The following PIK3C2A variants were observed in gnomAD, a reference collection of about 807,000 sequenced individuals.
The protein encoded by PIK3C2A is phosphatidylinositol-4-phosphate 3-kinase catalytic subunit type 2 alpha, also known as phosphatidylinositol 4-phosphate 3-kinase C2 domain-containing subunit alpha.
Under a neutral mutation model 204.5 loss-of-function variants are expected in PIK3C2A, and 97 were observed. That is an observed-to-expected ratio of 0.47 (90% confidence interval 0.40 to 0.56). The LOEUF (loss-of-function observed/expected upper bound fraction) is 0.56. Ranked by LOEUF, PIK3C2A falls within the 20% of genes least tolerant of loss-of-function variation. The pLI is 0.00. For synonymous variants in PIK3C2A, 653 were observed against 664.4 expected, an observed-to-expected ratio of 0.98 and a Z score of 0.26; for missense variants, 1,735 against 1,969.2, an observed-to-expected ratio of 0.88 and a Z score of 2.25.
intron 28 of PIK3C2A, among the ~76,000 whole-genome samples, chr11:17,092,554 C>A (rs1029141903): frequency 2.0e-5 from 3 of 152,154 alleles, no homozygotes; most frequent in African/African-American, 7.2e-5. Context: ...TACCTATAAT[C>A]CCAGCTACTC....
intron 1 of PIK3C2A, among the ~76,000 whole-genome samples, chr11:17,193,748 C>A (rs12281046): frequency 6.7e-6 from 1 of 150,262 alleles, no homozygotes; most frequent in Non-Finnish European, 1.5e-5. Flanking sequence ...CGGGAGGCTG[C>A]GGCAGGAGAA....
intron 1 of PIK3C2A, among the ~76,000 whole-genome samples, chr11:17,176,008 T>TG (rs1378083632): frequency 1.3e-5 from 2 of 151,846 alleles, no homozygotes; most frequent in Non-Finnish European, 2.9e-5. Flanking sequence ...AACTGATTTT[T>TG]TTTTTTTTTG....
At chr11:17,164,250 G>A (rs1590981503) in intron 2 of PIK3C2A, among the ~76,000 whole-genome samples, 2 of 151,796 alleles carry the variant, frequency 1.3e-5, no homozygotes, top group East Asian at 3.9e-4. Flanking sequence ...CACTCAGGAG[G>A]CTGCATTAGA....
chr11:17,133,383 G>A (rs1268890672), intron 11 of PIK3C2A, among the ~76,000 whole-genome samples: 1 of 151,928 alleles, frequency 6.6e-6, no homozygotes, highest in African/African-American at 2.4e-5. Context: ...CAGGTTTTTT[G>A]CCGCCTTGTA....
chr11:17,152,367 A>G (rs1416016524), intron 3 of PIK3C2A, among the ~76,000 whole-genome samples: 1 of 152,168 alleles, frequency 6.6e-6, no homozygotes, highest in Non-Finnish European at 1.5e-5. Context: ...TTTGCTTTAT[A>G]AAAATTGCCA....
At chr11:17,182,669 T>C (rs374008969) in intron 1 of PIK3C2A, among the ~76,000 whole-genome samples, 1 of 151,258 alleles carries the variant, frequency 6.6e-6, no homozygotes, top group South Asian at 2.1e-4. Context: ...CATTTGCCAA[T>C]CTAGAGGCTA....
chr11:17,139,441 C>T (rs1214043546), intron 8 of PIK3C2A, among the ~76,000 whole-genome samples: 2 of 152,042 alleles, frequency 1.3e-5, no homozygotes, highest in African/African-American at 2.4e-5. Context: ...TTGGGCTGGT[C>T]TCCAACCCCT....
Position 17,089,630 on chromosome 11 carries a change from AATACT to A in PIK3C2A, c.*103_*107del. On this transcript the variant is annotated 3_prime_UTR_variant, in exon 33 of 33. Coordinates refer to ENST00000691414, the MANE Select transcript of PIK3C2A (RefSeq NM_002645.4). ...TTTATAAGTTCTGTCCAAGTATAAA[AATACT>A]ATACAAAATTAACAAGTGTGTGTGT... 2 of 670,334 alleles carry A rather than the reference AATACT, an allele frequency of 3.0e-6. No homozygotes were observed. The highest frequency in any genetic ancestry group is 5.0e-6 in the Non-Finnish European group (2 of 399,188). 41.5% of individuals were successfully genotyped at this position (670,334 alleles called of 1,614,324 possible). A position where few individuals can be genotyped will look rare whatever the true frequency, so the allele number is the denominator to read the frequency against.
intron 27 of PIK3C2A, among the ~76,000 whole-genome samples, chr11:17,096,029 C>A (rs1848445040): frequency 6.6e-6 from 1 of 151,128 alleles, no homozygotes; most frequent in Non-Finnish European, 1.5e-5. Context: ...ACTTGTTTTG[C>A]TGGCTAGTTA....
Position 17,202,434 on chromosome 11 carries a change from C to T in PIK3C2A, c.-66+5414G>A, listed in dbSNP as rs138243583. ...ACAAAAAACACAAAAATTAGCCAGGCGTGATGGCACGTGCTTGTAGTCCCA... is the reference window on the plus strand; with the variant it reads ...ACAAAAAACACAAAAATTAGCCAGGTGTGATGGCACGTGCTTGTAGTCCCA... On this transcript the variant is annotated intron_variant, in intron 1 of 32. Transcript: ENST00000691414. Among the ~76,000 whole-genome samples the T allele has an allele frequency of 5.0e-3, 753 of 151,842 alleles. 3 individuals carry two copies. Among genetic ancestry groups the T allele is most frequent in the Admixed American group, 9.1e-3 (139 of 15,216 alleles).
At chr11:17,191,811 G>C (rs1332851596) in intron 1 of PIK3C2A, among the ~76,000 whole-genome samples, 1 of 152,044 alleles carries the variant, frequency 6.6e-6, no homozygotes, top group East Asian at 1.9e-4. Flanking sequence ...AAAAGTTTTA[G>C]GTTCATTTAA....
At chr11:17,091,865 C>A in intron 30 of PIK3C2A, 131 bp downstream of exon 30, 2 of 730,742 alleles carry the variant, frequency 2.7e-6, no homozygotes, top group Non-Finnish European at 4.8e-6. Flanking sequence ...AATAGACTGG[C>A]TTAGAAAGAA....
chr11:17,112,542 G>A, intron 21 of PIK3C2A, 32 bp downstream of exon 21: 1 of 996,830 alleles, frequency 1.0e-6, no homozygotes, highest in Non-Finnish European at 1.5e-6. Flanking sequence ...TTTCTAAATT[G>A]CCATTAAAAA....
At position 17,116,092 on chromosome 11, in the gene PIK3C2A, T is replaced by A. The variant is rs61879704; in HGVS notation, c.3216+1399A>T. 4.9e-3 allele frequency among the ~76,000 whole-genome samples: 750 copies of A among 152,256 alleles called. 6 individuals carry two copies. Among genetic ancestry groups the A allele is most frequent in the Non-Finnish European group, 8.1e-3 (549 of 68,030 alleles). ...TTTGTATTAATATATTAAAGGACAC[T>A]ATTAAGGAATTAAAAAGACAACTGC... On this transcript the variant is annotated intron_variant, in intron 19 of 32. Transcript: ENST00000691414.
chr11:17,191,738 T>C (rs985957017), intron 1 of PIK3C2A, among the ~76,000 whole-genome samples: 3 of 152,172 alleles, frequency 2.0e-5, no homozygotes, highest in African/African-American at 7.2e-5. Flanking sequence ...GAAGTGAAAG[T>C]GGTCTTATGG....
Position 17,169,469 on chromosome 11 carries a change from A to G in PIK3C2A, c.273T>C (p.Asp91=), listed in dbSNP as rs61761999. The part of the protein sequence containing the change: ...SDSQKRALDI[D]VEKLTQAELE... The stretch of plus-strand genomic sequence containing the variant: ...GTTCAGCTTGGGTGAGCTTTTCTAC[A>G]TCAATATCTAATGCTCTTTTTTGGG... Residue 91 remains aspartate, a synonymous_variant, in exon 2 of 33, where the codon GAT becomes GAC. Transcript: ENST00000691414. The G allele has an allele frequency of 1.1e-3, 1,704 of 1,614,074 alleles. 27 individuals are homozygous for G. In the African/African-American group the frequency reaches 0.02, roughly 19 times the overall value.
intron 1 of PIK3C2A, among the ~76,000 whole-genome samples, chr11:17,174,550 C>T (rs1851278744): frequency 1.2e-5 from 1 of 80,212 alleles, no homozygotes; most frequent in Non-Finnish European, 2.4e-5. Flanking sequence ...GCCGAGATCC[C>T]GCCACTGCAC....
At chr11:17,171,011 G>A (rs1851137992) in intron 1 of PIK3C2A, among the ~76,000 whole-genome samples, 1 of 152,100 alleles carries the variant, frequency 6.6e-6, no homozygotes, top group Non-Finnish European at 1.5e-5. Flanking sequence ...GCTGAGGCAG[G>A]AGAATGGCAT....
chr11:17,169,592 G>A lies in PIK3C2A; in HGVS notation c.150C>T (p.Asp50=). Residue 50 remains aspartate, a synonymous_variant, in exon 2 of 33, where the codon GAC becomes GAT. Transcript: ENST00000691414. ...TTGACAACTCAAAGCCTCTCTGATTGTCAGTCACTTGTCTATCCTTTTGCA... is the reference window on the plus strand; with the variant it reads ...TTGACAACTCAAAGCCTCTCTGATTATCAGTCACTTGTCTATCCTTTTGCA... ...AKLQKDRQVT[D]NQRGFELSSS... 3 of 1,614,068 alleles carry A rather than the reference G, an allele frequency of 1.9e-6. No homozygotes were observed. The highest frequency in any genetic ancestry group is 2.5e-6 in the Non-Finnish European group (3 of 1,180,006).
Sources: allele counts gnomAD v4.1 joint callset (sites outside exome capture counted in the v4.1 genomes callset), GRCh38; gene constraint gnomAD v4.1.1; transcripts MANE v1.5; gene names NCBI Gene and HGNC (gene_info 2026-07-23, HGNC 2026-07-21).